The following TPST1 variants were observed in gnomAD, a reference collection of about 807,000 sequenced individuals.
TPST1 encodes the protein protein-tyrosine sulfotransferase 1.
Under a neutral mutation model 34.8 loss-of-function variants are expected in TPST1, and 20 were observed. The observed-to-expected ratio is 0.57, with a 90% confidence interval of 0.40 to 0.84. The LOEUF (loss-of-function observed/expected upper bound fraction) is 0.84. Ranked by LOEUF, TPST1 falls within the 40% of genes least tolerant of loss-of-function variation. The probability of loss-of-function intolerance (pLI) is 0.00; values close to 1 mark genes in which losing one functional copy is unlikely to be tolerated. For missense variants in TPST1, 353 were observed against 455.5 expected, an observed-to-expected ratio of 0.78 and a Z score of 2.05; for synonymous variants, 152 against 159.4, an observed-to-expected ratio of 0.95 and a Z score of 0.35.
chr7:66,325,536 C>G (rs1489275660), intron 3 of TPST1, among the ~76,000 whole-genome samples: 1 of 152,020 alleles, frequency 6.6e-6, no homozygotes, highest in Non-Finnish European at 1.5e-5. Flanking sequence ...CTAGGCTGGT[C>G]TCGAACTCCT....
intron 1 of TPST1, among the ~76,000 whole-genome samples, chr7:66,228,754 A>C (rs926837311): frequency 6.6e-6 from 1 of 152,198 alleles, no homozygotes; most frequent in Non-Finnish European, 1.5e-5. Context: ...TTTGCTTCAT[A>C]TATTTCTATC....
chr7:66,263,178 ATATTT>A (rs529371864), intron 2 of TPST1, among the ~76,000 whole-genome samples: 160 of 152,296 alleles, frequency 1.1e-3, no homozygotes, highest in African/African-American at 3.5e-3. Context: ...GGGAAAAAGA[ATATTT>A]TAGGGTAAAG....
intron 4 of TPST1, among the ~76,000 whole-genome samples, chr7:66,355,339 G>A (rs563969773): frequency 1.4e-4 from 21 of 151,604 alleles, no homozygotes; most frequent in South Asian, 4.2e-4. Flanking sequence ...TTAGCTGGGC[G>A]TGTTGGGCAC....
At chr7:66,320,335 C>T (rs1422782527) in intron 3 of TPST1, among the ~76,000 whole-genome samples, 4 of 150,228 alleles carry the variant, frequency 2.7e-5, no homozygotes, top group African/African-American at 9.8e-5. Context: ...GCAAGCTCCA[C>T]CTCCCGGGTT....
chr7:66,211,616 C>G (rs975402353), intron 1 of TPST1, among the ~76,000 whole-genome samples: 6 of 152,200 alleles, frequency 3.9e-5, no homozygotes, highest in African/African-American at 1.4e-4. Context: ...CCAGCTGTTT[C>G]TTTCTTTCCT....
chr7:66,229,282 T>C (rs1471873577), intron 1 of TPST1, among the ~76,000 whole-genome samples: 1 of 152,136 alleles, frequency 6.6e-6, no homozygotes, highest in Non-Finnish European at 1.5e-5. Context: ...AGCTAATTTT[T>C]TGTATTTTTA....
intron 2 of TPST1, among the ~76,000 whole-genome samples, chr7:66,261,984 C>T (rs1477389456): frequency 6.6e-6 from 1 of 152,110 alleles, no homozygotes; most frequent in Non-Finnish European, 1.5e-5. Context: ...TGTCTGTTCC[C>T]TAGGTGGCAT....
At chr7:66,223,236 C>T (rs1476450042) in intron 1 of TPST1, among the ~76,000 whole-genome samples, 1 of 151,748 alleles carries the variant, frequency 6.6e-6, no homozygotes, top group East Asian at 1.9e-4. Context: ...CACTTGAGGC[C>T]AGGGGTTCAA....
intron 2 of TPST1, among the ~76,000 whole-genome samples, chr7:66,246,129 G>A (rs998605193): frequency 5.4e-5 from 8 of 148,616 alleles, no homozygotes. Flanking sequence ...TCCCACCTTA[G>A]CTTCCTGTTA....
chr7:66,339,462 C>T (rs1792189634), intron 3 of TPST1, among the ~76,000 whole-genome samples: 1 of 152,100 alleles, frequency 6.6e-6, no homozygotes, highest in African/African-American at 2.4e-5. Context: ...CTCCTCAAAA[C>T]AAAAATTTTT....
At chr7:66,252,952 C>T (rs183212087) in intron 2 of TPST1, among the ~76,000 whole-genome samples, 19 of 152,202 alleles carry the variant, frequency 1.2e-4, no homozygotes, top group East Asian at 7.7e-4. Flanking sequence ...ACCAGTTTCC[C>T]GGAACCATCT....
At chr7:66,260,491 C>T (rs1422472042) in intron 2 of TPST1, among the ~76,000 whole-genome samples, 1 of 152,146 alleles carries the variant, frequency 6.6e-6, no homozygotes, top group Non-Finnish European at 1.5e-5. Context: ...TGTGGAATAA[C>T]TGTTTTAATG....
Position 66,286,647 on chromosome 7 carries a change from C to G in TPST1, c.982C>G (p.Pro328Ala). Residue 328 changes from proline to alanine, a missense_variant, in exon 3 of 6, where the codon CCA becomes GCA. Transcript: ENST00000304842. Reference sequence around the variant, plus strand: ...TATGCTTGCCAAGCTTGGATATGACCCATATGCCAACCCACCTAACTACGG... The same window carrying G: ...TATGCTTGCCAAGCTTGGATATGACGCATATGCCAACCCACCTAACTACGG... ...APMLAKLGYD[P>A]YANPPNYGKP... The G allele has an allele frequency of 6.2e-7, 1 of 1,602,328 alleles. No homozygotes were observed. The highest frequency in any genetic ancestry group is 8.5e-7 in the Non-Finnish European group (1 of 1,173,514).
At chr7:66,267,488 G>A (rs777381755) in intron 2 of TPST1, among the ~76,000 whole-genome samples, 11 of 152,004 alleles carry the variant, frequency 7.2e-5, no homozygotes, top group South Asian at 2.1e-4. Context: ...ATGCAGGACT[G>A]GCCAAACACC....
At chr7:66,312,738 A>G (rs986068381) in intron 3 of TPST1, among the ~76,000 whole-genome samples, 8 of 152,252 alleles carry the variant, frequency 5.3e-5, no homozygotes, top group Admixed American at 3.3e-4. Context: ...CGAAAAATCA[A>G]ATTAATGATA....
intron 1 of TPST1, among the ~76,000 whole-genome samples, chr7:66,225,382 C>T (rs1272213148): frequency 1.3e-5 from 2 of 151,588 alleles, no homozygotes; most frequent in African/African-American, 2.4e-5. Context: ...GAGGCTGAGG[C>T]GGGCGGATCA....
intron 1 of TPST1, among the ~76,000 whole-genome samples, chr7:66,238,092 G>T (rs1175246695): frequency 6.6e-6 from 1 of 152,128 alleles, no homozygotes; most frequent in East Asian, 1.9e-4. Context: ...TGTAACTAAA[G>T]TCTGAGTCCT....
In TPST1 at chr7:66,240,486, G is replaced by C. The variant is rs761009108; in HGVS notation, c.61G>C (p.Val21Leu). ...LACLVISSVT[V>L]FYLGQHAMEC... is the part of the protein sequence containing the mutation. ...ATGTCTGGTGATTAGTTCTGTGACT[G>C]TGTTTTACCTGGGCCAGCATGCCAT... Residue 21 changes from valine (V) to leucine (L), a missense_variant, in exon 2 of 6, where the codon GTG becomes CTG. Val to Leu is a conservative substitution (Grantham distance 32). Transcript: ENST00000304842. 6.2e-7 allele frequency: 1 copy of C among 1,614,064 alleles called. No homozygotes were observed. Among genetic ancestry groups the C allele is most frequent in the East Asian group, 2.2e-5 (1 of 44,900 alleles).
chr7:66,235,429 A>G (rs575193483), intron 1 of TPST1, among the ~76,000 whole-genome samples: 1 of 152,298 alleles, frequency 6.6e-6, no homozygotes, highest in African/African-American at 2.4e-5. Flanking sequence ...AGCTTTATAT[A>G]GTGCCTGGCA....
Sources: gnomAD v4.1 joint callset for allele counts (sites outside exome capture counted in the v4.1 genomes callset) on GRCh38, gnomAD v4.1.1 for gene constraint, MANE v1.5 for transcripts, NCBI Gene and HGNC (gene_info 2026-07-23, HGNC 2026-07-21) for gene names.